The following TRPV5 variants were observed in gnomAD, a reference collection of about 807,000 sequenced individuals.
TRPV5 encodes the protein calcium transport protein 2.
TRPV5 carries 66 observed loss-of-function variants against 74.1 expected under a neutral mutation model. That is an observed-to-expected ratio of 0.89 (90% CI 0.73 to 1.09). The LOEUF is 1.09. Ranked by LOEUF, TRPV5 falls within the 50% of genes least tolerant of loss-of-function variation. The pLI is 0.00. For synonymous variants in TRPV5, 399 were observed against 360.7 expected (o/e 1.11, Z -1.20); for missense variants, 936 against 930.4 (o/e 1.01, Z -0.08).
In TRPV5 at chr7:142,933,653, C is replaced by A; in HGVS notation, c.-194G>T. The A allele has an allele frequency of 3.0e-6, 2 of 670,550 alleles. No homozygotes were observed. The highest frequency in any genetic ancestry group is 1.9e-5 in the South Asian group (1 of 51,854). 41.5% of individuals were successfully genotyped at this position (670,550 alleles called of 1,614,324 possible). A position where few individuals can be genotyped will look rare whatever the true frequency, so the allele number is the denominator to read the frequency against. On this transcript the variant is annotated 5_prime_UTR_variant, in exon 1 of 15. Coordinates refer to ENST00000265310, the MANE Select transcript of TRPV5 (RefSeq NM_019841.7). ...TGCAGTATGTGGGTTGTGGGGTGTG[C>A]GTGTATGCACAGTGTGTGGCTGTGG...
chr7:142,912,864 C>CTATCTA (rs1327105760), intron 12 of TRPV5, 114 bp from the exon 13 acceptor site: 2 of 1,033,550 alleles, frequency 1.9e-6, no homozygotes, highest in East Asian at 5.0e-5. Context: ...ATCTATCTAT[C>CTATCTA]TATCTATCTA....
intron 12 of TRPV5, among the ~76,000 whole-genome samples, chr7:142,913,231 C>A (rs956651664): frequency 2.0e-5 from 3 of 152,206 alleles, no homozygotes; most frequent in Non-Finnish European, 4.4e-5. Flanking sequence ...CCCTCCATCA[C>A]TCTGACCTTC....
chr7:142,917,175 G>A (rs1205666789), intron 8 of TRPV5, among the ~76,000 whole-genome samples: 2 of 150,832 alleles, frequency 1.3e-5, no homozygotes, highest in African/African-American at 2.4e-5. Flanking sequence ...TTCAGTTCAC[G>A]GACTGTGTTC....
intron 14 of TRPV5, 40 bp downstream of exon 14, chr7:142,909,450 A>T: frequency 6.2e-7 from 1 of 1,607,332 alleles, no homozygotes; most frequent in Non-Finnish European, 8.5e-7. Context: ...CCGTGGCCTT[A>T]TACACATCTG....
At chr7:142,916,021 C>T (rs1024511950) in intron 8 of TRPV5, among the ~76,000 whole-genome samples, 3 of 152,184 alleles carry the variant, frequency 2.0e-5, no homozygotes, top group Non-Finnish European at 2.9e-5. Context: ...GGTTCCCTCA[C>T]GGATCCGGAA....
At chr7:142,922,122 G>A (rs538590465) in intron 8 of TRPV5, among the ~76,000 whole-genome samples, 70 of 152,232 alleles carry the variant, frequency 4.6e-4, no homozygotes, top group Middle Eastern at 3.4e-3. Flanking sequence ...TTGTATGATC[G>A]TTTGATTAAT....
At chr7:142,929,974 A>C (rs2116608541) in intron 3 of TRPV5, 84 bp downstream of exon 3, 10 of 1,595,614 alleles carry the variant, frequency 6.3e-6, no homozygotes, top group African/African-American at 1.5e-5. Context: ...ACCCCAACCC[A>C]TCCTTCAGAG....
chr7:142,928,932 TG>T, intron 5 of TRPV5, 66 bp from the exon 6 acceptor site: 1 of 1,611,944 alleles, frequency 6.2e-7, no homozygotes, highest in Non-Finnish European at 8.5e-7. Flanking sequence ...ATCCCCACTC[TG>T]GGGTCTTCCT....
Position 142,915,494 on chromosome 7 carries a change from G to C in TRPV5, c.1197C>G (p.Ile399Met). Reference protein sequence around the residue: ...ELVSIVGAVIILLLEIPDIFR... With the variant: ...ELVSIVGAVIMLLLEIPDIFR... ...GCCTGCCCCTCACCTCTAGGAGCAG[G>C]ATGATCACAGCCCCAACGATGCTCA... The change falls in exon 9 of 15, where the codon ATC becomes ATG. Residue 399 changes from isoleucine (I) to methionine (M), a missense_variant. Transcript: ENST00000265310. The C allele has an allele frequency of 6.2e-7, 1 of 1,614,144 alleles. No homozygotes were observed. Among genetic ancestry groups the C allele is most frequent in the Non-Finnish European group, 8.5e-7 (1 of 1,180,010 alleles).
rs774032150 is a variant in TRPV5, at chr7:142,929,017, C to T, written c.586+5G>A. On this transcript the variant is annotated splice_donor_5th_base_variant and intron_variant, in intron 5 of 14. Transcript: ENST00000265310. ...CCCAGCTCCCCTCCCCATCCCAGCT[C>T]TTACCCAGGGAGTCCTGGGCCCTGA... 1.2e-6 allele frequency: 2 copies of T among 1,613,898 alleles called. No homozygotes were observed. The highest frequency in any genetic ancestry group is 8.5e-7 in the Non-Finnish European group (1 of 1,180,028).
intron 8 of TRPV5, 56 bp from the exon 9 acceptor site, chr7:142,915,624 G>A: frequency 6.4e-7 from 1 of 1,572,020 alleles, no homozygotes; most frequent in Non-Finnish European, 8.7e-7. Flanking sequence ...AAATCCTTTT[G>A]TGCAAATGAT....
At chr7:142,909,375 G>T in intron 14 of TRPV5, 115 bp downstream of exon 14, 2 of 1,102,518 alleles carry the variant, frequency 1.8e-6, no homozygotes, top group Non-Finnish European at 2.6e-6. Flanking sequence ...CTCCACTTCA[G>T]CTCCAGCCCC....
intron 6 of TRPV5, among the ~76,000 whole-genome samples, 179 bp downstream of exon 6, chr7:142,928,512 C>A (rs1394039874): frequency 6.6e-6 from 1 of 152,136 alleles, no homozygotes; most frequent in Non-Finnish European, 1.5e-5. Flanking sequence ...GAGTCAAGGA[C>A]CATGAAGCTG....
chr7:142,930,598 GAGGGTGGACTTGGGCA>G, intron 1 of TRPV5, 152 bp from the exon 2 acceptor site: 1 of 670,932 alleles, frequency 1.5e-6, no homozygotes, highest in Non-Finnish European at 2.6e-6. Flanking sequence ...TCGAATGACC[GAGGGTGGACTTGGGCA>G]AGGGTCAGCC....
rs550856685 is a variant in TRPV5 at position 142,933,257 on chromosome 7, G to A, written c.128+75C>T. 6.5e-5 allele frequency: 102 copies of A among 1,572,540 alleles called. No homozygotes were observed. The African/African-American group carries it at 8.6e-4, about 13-fold the overall frequency. Reference sequence around the variant, plus strand: ...AATACACTTCTAGGGTGCTGTATTCGGAAAGCAGGCCCAGGTGGGTCAGAG... The same window carrying A: ...AATACACTTCTAGGGTGCTGTATTCAGAAAGCAGGCCCAGGTGGGTCAGAG... On this transcript the variant is annotated intron_variant, in intron 1 of 14. Coordinates refer to ENST00000265310, the MANE Select transcript of TRPV5 (RefSeq NM_019841.7).
At chr7:142,930,686 C>T (rs1398166456) in intron 1 of TRPV5, among the ~76,000 whole-genome samples, 1 of 152,226 alleles carries the variant, frequency 6.6e-6, no homozygotes, top group Non-Finnish European at 1.5e-5. Flanking sequence ...CCTTGAAGCT[C>T]TGCTGGAGGG....
chr7:142,932,402 A>T (rs1320591298), intron 1 of TRPV5, among the ~76,000 whole-genome samples: 1 of 152,172 alleles, frequency 6.6e-6, no homozygotes, highest in East Asian at 1.9e-4. Context: ...GAGGGCTCAG[A>T]GGTACTTGGG....
At position 142,912,602 on chromosome 7, in the gene TRPV5, G is replaced by A; in HGVS notation, c.1668C>T (p.Ser556=). ...TGATGGTGAAGGCGAAGTTGACAAT[G>A]CTGAACATGAAGGGCAAGTCCACGT... ...NYDVDLPFMF[S]IVNFAFTIIA... is the part of the protein sequence containing the mutation. Residue 556 remains serine, a synonymous_variant, in exon 13 of 15, where the codon AGC becomes AGT. Coordinates refer to ENST00000265310, the MANE Select transcript of TRPV5 (RefSeq NM_019841.7). 6.2e-7 allele frequency: 1 copy of A among 1,614,228 alleles called. No individual in the cohort carries two copies. The highest frequency in any genetic ancestry group is 8.5e-7 in the Non-Finnish European group (1 of 1,180,044).
At chr7:142,927,113 C>CT (rs4252426) in intron 7 of TRPV5, among the ~76,000 whole-genome samples, 2 of 152,000 alleles carry the variant, frequency 1.3e-5, no homozygotes, top group East Asian at 3.9e-4. Flanking sequence ...CTAAAAAGCT[C>CT]TTTTTTTTCT....
Sources: allele counts gnomAD v4.1 joint callset (sites outside exome capture counted in the v4.1 genomes callset), GRCh38; gene constraint gnomAD v4.1.1; transcripts MANE v1.5; gene names NCBI Gene and HGNC (gene_info 2026-07-23, HGNC 2026-07-21).